Variants in ROBO2 observed in about 807,000 individuals in gnomAD.
ROBO2 encodes the protein roundabout homolog 2.
In ROBO2, 53 loss-of-function variants were observed where a neutral mutation model predicts 160.8. The observed-to-expected ratio is 0.33, with a 90% CI of 0.26 to 0.41. The LOEUF is 0.41. Ranked by LOEUF, ROBO2 falls within the 10% of genes least tolerant of loss-of-function variation. ROBO2 has a pLI of 1.00. For missense variants in ROBO2, 1,577 were observed against 1,722.4 expected (o/e 0.92, Z 1.49); for synonymous variants, 664 against 611.7 (o/e 1.09, Z -1.26).
intron 2 of ROBO2, among the ~76,000 whole-genome samples, chr3:76,753,712 A>G (rs1179970451): frequency 1.3e-5 from 2 of 151,808 alleles, no homozygotes; most frequent in Non-Finnish European, 2.9e-5. Context: ...GAACGCTCCA[A>G]TATTTTCTGT....
chr3:76,061,889 C>T (rs1440299605), intron 2 of ROBO2, among the ~76,000 whole-genome samples: 8 of 152,148 alleles, frequency 5.3e-5, no homozygotes, highest in Non-Finnish European at 1.0e-4. Context: ...CACCCGCATT[C>T]TTTGGCCTGT....
intron 2 of ROBO2, among the ~76,000 whole-genome samples, chr3:76,816,477 T>C (rs1426839655): frequency 1.3e-5 from 2 of 152,180 alleles, no homozygotes; most frequent in East Asian, 1.9e-4. Context: ...GTGGCCATAA[T>C]TGCTTTGCTA....
At chr3:77,461,181 T>C (rs1167397872) in intron 2 of ROBO2, among the ~76,000 whole-genome samples, 1 of 152,118 alleles carries the variant, frequency 6.6e-6, no homozygotes, top group Non-Finnish European at 1.5e-5. Flanking sequence ...TTGAGATCTA[T>C]TGAAAATATA....
intron 2 of ROBO2, among the ~76,000 whole-genome samples, chr3:76,450,115 TCTC>T (rs1434988783): frequency 6.6e-6 from 1 of 152,144 alleles, no homozygotes. Flanking sequence ...AGTAGGTAGT[TCTC>T]CTTACAAGTA....
chr3:76,247,356 C>T (rs544431965), intron 2 of ROBO2, among the ~76,000 whole-genome samples: 16 of 152,264 alleles, frequency 1.1e-4, no homozygotes, highest in African/African-American at 3.9e-4. Flanking sequence ...CATTCTTGAT[C>T]TTCTAAAGTT....
At chr3:77,572,737 T>C (rs544998367) in intron 13 of ROBO2, among the ~76,000 whole-genome samples, 1 of 152,072 alleles carries the variant, frequency 6.6e-6, no homozygotes, top group African/African-American at 2.4e-5. Context: ...TGTATTTTTA[T>C]TGAGGCTCTG....
rs55705748 is a variant in ROBO2, at chr3:76,081,837, TAC to T, written c.109+144258_109+144259del. ...ATACAAAATGGCACATGTAAATACA[TAC>T]ACACACACACACACACACACACCAG... On this transcript the variant is annotated intron_variant, in intron 2 of 26. Transcript: ENST00000487694. Among the ~76,000 whole-genome samples, 194 of 147,832 alleles carry T rather than the reference TAC, an allele frequency of 1.3e-3. 1 individual carries two copies. The highest frequency in any genetic ancestry group is 3.8e-3 in the African/African-American group (153 of 40,664).
rs750626067 is a variant in ROBO2, at chr3:77,099,071, CTTTTTT to C, written c.388+744_388+749del. 7.3e-4 allele frequency among the ~76,000 whole-genome samples: 88 copies of C among 121,250 alleles called. 1 individual carries two copies. Among genetic ancestry groups the C allele is most frequent in the African/African-American group, 2.4e-3 (79 of 32,608 alleles). The allele number at this position is 121,250 out of a possible 152,430, so 79.5% of individuals were successfully genotyped here. ...AACAAAATTGTACTTTTCTTTCTTT[CTTTTTT>C]TTTTTTTTTTTTGAGACAGTGTCTC... On this transcript the variant is annotated intron_variant, in intron 2 of 25. Coordinates refer to ENST00000461745, the Ensembl canonical transcript of ROBO2.
chr3:77,439,480 T>C (rs1322404128), intron 2 of ROBO2, among the ~76,000 whole-genome samples: 1 of 151,934 alleles, frequency 6.6e-6, no homozygotes, highest in African/African-American at 2.4e-5. Flanking sequence ...ATATACAAAT[T>C]AGTTCTGAAA....
At chr3:76,456,500 C>T (rs539395061) in intron 2 of ROBO2, among the ~76,000 whole-genome samples, 30 of 152,226 alleles carry the variant, frequency 2.0e-4, no homozygotes, top group Admixed American at 1.8e-3. Flanking sequence ...AGGTACTTTA[C>T]GTCAGTGACT....
At chr3:77,147,543 A>T (rs767482064) in intron 2 of ROBO2, among the ~76,000 whole-genome samples, 2 of 152,224 alleles carry the variant, frequency 1.3e-5, no homozygotes, top group Non-Finnish European at 2.9e-5. Context: ...AATAAATTGT[A>T]TTAATTATTA....
chr3:76,003,232 C>A (rs2065936720), intron 2 of ROBO2, among the ~76,000 whole-genome samples: 1 of 152,086 alleles, frequency 6.6e-6, no homozygotes, highest in Admixed American at 6.6e-5. Flanking sequence ...CCATACTCTG[C>A]TAAATAAATA....
intron 2 of ROBO2, among the ~76,000 whole-genome samples, chr3:76,030,593 A>G (rs2066889034): frequency 6.6e-6 from 1 of 152,202 alleles, no homozygotes; most frequent in South Asian, 2.1e-4. Flanking sequence ...ATGGCTAGCC[A>G]GTTTTCCCAG....
intron 2 of ROBO2, among the ~76,000 whole-genome samples, chr3:76,789,861 CTACCA>C: frequency 6.6e-6 from 1 of 151,752 alleles, no homozygotes; most frequent in Middle Eastern, 3.4e-3. Flanking sequence ...ACTTTTTATT[CTACCA>C]TAGTTCCCTA....
chr3:76,954,904 C>A (rs1258253908), intron 2 of ROBO2, among the ~76,000 whole-genome samples: 1 of 152,094 alleles, frequency 6.6e-6, no homozygotes, highest in Non-Finnish European at 1.5e-5. Flanking sequence ...TTTAAGTGTA[C>A]AATACAGCAG....
chr3:76,478,728 C>A (rs895893099), intron 2 of ROBO2, among the ~76,000 whole-genome samples: 1 of 144,114 alleles, frequency 6.9e-6, no homozygotes, highest in African/African-American at 2.6e-5. Context: ...CTCAGCTCGG[C>A]TAGAGTGCAG....
intron 1 of ROBO2, among the ~76,000 whole-genome samples, chr3:77,074,481 G>A (rs73112405): frequency 0.045 from 6,784 of 152,266 alleles, 230 homozygotes; most frequent in Non-Finnish European, 0.066. Flanking sequence ...ATGAATCAAG[G>A]CACAGTCTTT....
intron 2 of ROBO2, among the ~76,000 whole-genome samples, chr3:76,123,668 C>G (rs1436230261): frequency 2.0e-5 from 3 of 152,108 alleles, no homozygotes; most frequent in Non-Finnish European, 2.9e-5. Context: ...CCCACTGTTG[C>G]AAAACGAGGA....
chr3:76,895,485 G>T (rs1295217729), intron 2 of ROBO2, among the ~76,000 whole-genome samples: 1 of 151,866 alleles, frequency 6.6e-6, no homozygotes. Context: ...TAGCATATTT[G>T]TAGCACAGTG....
Sources: gnomAD v4.1 joint callset for allele counts (sites outside exome capture counted in the v4.1 genomes callset) on GRCh38, gnomAD v4.1.1 for gene constraint, MANE v1.5 for transcripts, NCBI Gene and HGNC (gene_info 2026-07-23, HGNC 2026-07-21) for gene names.